The following HDAC2 variants were observed in gnomAD, a reference collection of about 807,000 sequenced individuals.
The protein encoded by HDAC2 is YY1-associated factor 1.
HDAC2 carries 5 observed loss-of-function variants against 68.5 expected under a neutral mutation model. The ratio of observed to expected loss-of-function variants is 0.07; its 90% CI spans 0.04 to 0.15. HDAC2 has a LOEUF of 0.15. Among genes scored for constraint, HDAC2 ranks in the 10% least tolerant of loss-of-function variants. HDAC2 has a pLI of 1.00. For synonymous variants in HDAC2, 182 were observed against 191.3 expected, an observed-to-expected ratio of 0.95 and a Z score of 0.40; for missense variants, 291 against 600.8, an observed-to-expected ratio of 0.48 and a Z score of 5.39.
chr6:113,933,836 T>C lies in HDAC2; in HGVS notation c.*7222A>G, dbSNP rs1486480171. 6.6e-6 allele frequency: 1 copy of C among 151,978 alleles called. No individual in the cohort carries two copies. The highest frequency in any genetic ancestry group is 2.4e-5 in the African/African-American group (1 of 41,396). The allele number at this position is 151,978 out of a possible 1,614,324, so 9.4% of individuals were successfully genotyped here. ...ATATATGTGTGTGTATACATATATA[T>C]AGAAGGAATTCTCTTTCTTTTATCC... On this transcript the variant is annotated 3_prime_UTR_variant, in exon 14 of 14. Coordinates refer to ENST00000519065, the MANE Select transcript of HDAC2 (RefSeq NM_001527.4).
intron 1 of HDAC2, among the ~76,000 whole-genome samples, chr6:113,960,414 T>C (rs1374241366): frequency 6.6e-6 from 1 of 152,064 alleles, no homozygotes; most frequent in Non-Finnish European, 1.5e-5. Flanking sequence ...TACTGCTTTT[T>C]GGATGATTTG....
At chr6:113,955,817 C>G (rs1776539841) in intron 5 of HDAC2, 196 bp downstream of exon 5, 1 of 510,962 alleles carries the variant, frequency 2.0e-6, no homozygotes, top group Middle Eastern at 5.1e-4. Flanking sequence ...GGCCACACTT[C>G]TAAGTCTTAA....
At chr6:113,964,635 C>A (rs542095980) in intron 1 of HDAC2, among the ~76,000 whole-genome samples, 1 of 152,200 alleles carries the variant, frequency 6.6e-6, no homozygotes, top group African/African-American at 2.4e-5. Context: ...TCTGTCTATG[C>A]TGTATCTTTT....
chr6:113,951,870 G>C (rs1026362010), intron 6 of HDAC2, among the ~76,000 whole-genome samples: 5 of 152,164 alleles, frequency 3.3e-5, no homozygotes, highest in African/African-American at 9.7e-5. Flanking sequence ...CAAACTGTAA[G>C]AATTTTGAAT....
At chr6:113,944,533 C>G (rs915865520) in intron 10 of HDAC2, 123 bp from the exon 11 acceptor site, 2 of 771,324 alleles carry the variant, frequency 2.6e-6, no homozygotes, top group Non-Finnish European at 2.1e-6. Flanking sequence ...ATTAAAAGGT[C>G]TCTCTTTGTT....
chr6:113,958,759 T>C lies in HDAC2; in HGVS notation c.173A>G (p.His58Arg). Reference protein sequence around the residue: ...LYRKMEIYRPHKATAEEMTKY... With the variant: ...LYRKMEIYRPRKATAEEMTKY... ...TGTCATTTCTTCGGCAGTGGCTTTA[T>C]GGGGCCTCTGTGAAGAGAAATAAAT... Residue 58 changes from histidine (H) to arginine (R), a missense_variant, in exon 3 of 14, where the codon CAT becomes CGT. Coordinates refer to ENST00000519065, the MANE Select transcript of HDAC2 (RefSeq NM_001527.4). 6.4e-7 allele frequency: 1 copy of C among 1,572,340 alleles called. No individual in the cohort carries two copies. The highest frequency in any genetic ancestry group is 8.8e-7 in the Non-Finnish European group (1 of 1,142,674).
At chr6:113,960,639 G>A (rs1044948632) in intron 1 of HDAC2, among the ~76,000 whole-genome samples, 2 of 151,728 alleles carry the variant, frequency 1.3e-5, no homozygotes, top group Non-Finnish European at 2.9e-5. Flanking sequence ...CTTTTTAAAC[G>A]GCATCTTATA....
chr6:113,962,328 T>A, intron 1 of HDAC2: 1 of 739,718 alleles, frequency 1.4e-6, no homozygotes, highest in Non-Finnish European at 1.7e-6. Context: ...CAGCTAATGT[T>A]CTTAAGTAAT....
At chr6:113,948,874 T>C in intron 8 of HDAC2, 105 bp downstream of exon 8, 1 of 1,233,496 alleles carries the variant, frequency 8.1e-7, no homozygotes, top group Non-Finnish European at 1.1e-6. Flanking sequence ...CAGAGTACAG[T>C]GTTAAAACAG....
rs1435773774 is a variant in HDAC2 at position 113,935,237 on chromosome 6, T to C, written c.*5821A>G. ...GAAGTGCATTTCTCACTTAAGGACA[T>C]AGCATATTTAAAAAATAAGAGCAAA... On this transcript the variant is annotated 3_prime_UTR_variant, in exon 14 of 14. Transcript: ENST00000519065. 3 of 152,328 alleles carry C rather than the reference T, an allele frequency of 2.0e-5. No individual in the cohort carries two copies. The highest frequency in any genetic ancestry group is 4.8e-5 in the African/African-American group (2 of 41,586). The allele number at this position is 152,328 out of a possible 1,614,324, so 9.4% of individuals were successfully genotyped here.
chr6:113,961,215 C>T (rs1776674629), intron 1 of HDAC2, among the ~76,000 whole-genome samples: 1 of 152,112 alleles, frequency 6.6e-6, no homozygotes, highest in African/African-American at 2.4e-5. Context: ...AATTTATCCA[C>T]TAAATCTTTC....
At chr6:113,947,589 GA>G (rs1454072425) in intron 8 of HDAC2, 7 of 152,048 alleles carry the variant, frequency 4.6e-5, no homozygotes, top group African/African-American at 1.4e-4. Flanking sequence ...AGTCAAAGAG[GA>G]AAACTGATAG....
rs752383780 is a variant in HDAC2 at position 113,938,962 on chromosome 6, A to G, written c.*2096T>C. On this transcript the variant is annotated 3_prime_UTR_variant, in exon 14 of 14. Coordinates refer to ENST00000519065, the MANE Select transcript of HDAC2 (RefSeq NM_001527.4). The stretch of plus-strand genomic sequence containing the variant: ...CCAAGGAGATCCAGTATAGTATTGA[A>G]GTGTACAATTTCAGTATGTTCACAC... 3 of 152,066 alleles carry G rather than the reference A, an allele frequency of 2.0e-5. No individual in the cohort carries two copies. Among genetic ancestry groups the G allele is most frequent in the Non-Finnish European group, 4.4e-5 (3 of 68,030 alleles). The allele number at this position is 152,066 out of a possible 1,614,324, so 9.4% of individuals were successfully genotyped here.
At chr6:113,943,247 T>C in intron 12 of HDAC2, 104 bp downstream of exon 12, 1 of 811,460 alleles carries the variant, frequency 1.2e-6, no homozygotes, top group Non-Finnish European at 1.9e-6. Flanking sequence ...GCATACTTCC[T>C]CCTGATACCT....
Position 113,956,023 on chromosome 6 carries a change from C to A in HDAC2, c.487G>T (p.Glu163Ter). The change falls in exon 5 of 14, where the codon GAA becomes TAA. Residue 163 changes from glutamate to a stop codon, truncating the protein, a stop_gained. Coordinates refer to ENST00000519065, the MANE Select transcript of HDAC2 (RefSeq NM_001527.4). LOFTEE classifies it high-confidence loss of function. ...YVNDIVLAIL[E>*]LLKYHQRVLY... is the part of the protein sequence containing the mutation. ...TATAAATTAACATACTTTAGTAATT[C>A]AAGGATGGCAAGCACAATATCATTA... 1 of 1,597,210 alleles carries A rather than the reference C, an allele frequency of 6.3e-7. No homozygotes were observed. The highest frequency in any genetic ancestry group is 8.5e-7 in the Non-Finnish European group (1 of 1,173,466).
chr6:113,961,347 T>C (rs1219691415), intron 1 of HDAC2, among the ~76,000 whole-genome samples: 3 of 152,200 alleles, frequency 2.0e-5, no homozygotes, highest in Non-Finnish European at 4.4e-5. Context: ...ACAAAATCCA[T>C]GCTTCTAATA....
At chr6:113,969,915 G>A (rs1776934085) in intron 1 of HDAC2, 1 of 152,156 alleles carries the variant, frequency 6.6e-6, no homozygotes, top group South Asian at 2.1e-4. Context: ...AATCCCCAAA[G>A]CAGGGTCTAT....
chr6:113,956,974 T>G (rs1436679132), intron 3 of HDAC2: 6 of 266,420 alleles, frequency 2.3e-5, no homozygotes, highest in African/African-American at 1.1e-4. Context: ...ACAACAATTC[T>G]TATTTAATTA....
At chr6:113,949,447 C>G in intron 6 of HDAC2, 187 bp from the exon 7 acceptor site, 1 of 588,822 alleles carries the variant, frequency 1.7e-6, no homozygotes, top group East Asian at 2.9e-5. Context: ...AGTATATGCT[C>G]CAATATTTAT....
Sources: gnomAD v4.1 joint callset for allele counts (sites outside exome capture counted in the v4.1 genomes callset) on GRCh38, gnomAD v4.1.1 for gene constraint, MANE v1.5 for transcripts, NCBI Gene and HGNC (gene_info 2026-07-23, HGNC 2026-07-21) for gene names.